Variants in TLL1 observed in about 807,000 individuals in gnomAD.
TLL1 encodes the protein tolloid-like protein 1.
A neutral mutation model predicts 128.2 loss-of-function variants in TLL1; 49 were observed. That is an observed-to-expected ratio of 0.38 (90% CI 0.30 to 0.48). TLL1 has a LOEUF of 0.48. Among genes scored for constraint, TLL1 ranks in the 20% least tolerant of loss-of-function variants. TLL1 has a pLI of 0.96. For synonymous variants in TLL1, 454 were observed against 418.8 expected, an observed-to-expected ratio of 1.08 and a Z score of -1.03; for missense variants, 1,123 against 1,242.0, an observed-to-expected ratio of 0.90 and a Z score of 1.44.
intron 1 of TLL1, among the ~76,000 whole-genome samples, chr4:165,951,143 C>T (rs538408148): frequency 2.0e-5 from 3 of 152,064 alleles, no homozygotes; most frequent in Non-Finnish European, 4.4e-5. Context: ...ATTTGAAAGA[C>T]TAGATGAAAT....
At chr4:165,954,791 A>G (rs532752145) in intron 1 of TLL1, among the ~76,000 whole-genome samples, 10 of 152,254 alleles carry the variant, frequency 6.6e-5, no homozygotes, top group Non-Finnish European at 1.5e-4. Flanking sequence ...GAATATAGAA[A>G]CAAAAAACCC....
chr4:166,012,241 T>C (rs1241149902), intron 7 of TLL1, among the ~76,000 whole-genome samples: 3 of 151,596 alleles, frequency 2.0e-5, no homozygotes, highest in Non-Finnish European at 4.4e-5. Flanking sequence ...TGCCTATTGA[T>C]AGTGGCTCAC....
intron 1 of TLL1, among the ~76,000 whole-genome samples, chr4:165,966,114 G>T (rs577466248): frequency 4.0e-4 from 60 of 151,284 alleles, no homozygotes; most frequent in African/African-American, 1.4e-3. Flanking sequence ...GGAGGTGGAG[G>T]TTGCAGTGAG....
At chr4:165,994,211 C>G (rs1264081054) in intron 3 of TLL1, among the ~76,000 whole-genome samples, 170 bp from the exon 4 acceptor site, 1 of 152,060 alleles carries the variant, frequency 6.6e-6, no homozygotes, top group African/African-American at 2.4e-5. Context: ...TATTTTAATG[C>G]TTTTGTTCAA....
intron 1 of TLL1, among the ~76,000 whole-genome samples, chr4:165,909,777 C>T (rs1431829503): frequency 6.6e-6 from 1 of 152,040 alleles, no homozygotes. Flanking sequence ...GGGATTAAGC[C>T]GTTACTTAGT....
intron 1 of TLL1, among the ~76,000 whole-genome samples, chr4:165,964,787 A>AT (rs1249683667): frequency 1.3e-5 from 2 of 152,006 alleles, no homozygotes; most frequent in Admixed American, 1.3e-4. Context: ...ACCAACAACA[A>AT]TTAGCTGGGC....
At chr4:165,878,962 C>G (rs1730853991) in intron 1 of TLL1, among the ~76,000 whole-genome samples, 1 of 124,572 alleles carries the variant, frequency 8.0e-6, no homozygotes, top group Non-Finnish European at 1.6e-5. Context: ...GAGACAGGAC[C>G]TCACTCTGTC....
intron 1 of TLL1, among the ~76,000 whole-genome samples, chr4:165,958,559 T>C (rs1271967075): frequency 2.7e-5 from 4 of 150,382 alleles, no homozygotes; most frequent in Non-Finnish European, 5.9e-5. Context: ...GATGGGGTTG[T>C]TTGTTTTTTT....
At chr4:166,048,444 C>T (rs1263088640) in intron 12 of TLL1, among the ~76,000 whole-genome samples, 1 of 152,034 alleles carries the variant, frequency 6.6e-6, no homozygotes, top group East Asian at 1.9e-4. Context: ...CTGGAATGGA[C>T]TAATACAGGA....
intron 11 of TLL1, 135 bp downstream of exon 11, chr4:166,042,278 A>G (rs556135610): frequency 6.4e-5 from 41 of 643,712 alleles, no homozygotes; most frequent in South Asian, 5.8e-4. Flanking sequence ...TATAATATTC[A>G]TACAGATAAT....
At position 165,903,292 on chromosome 4, in the gene TLL1, C is replaced by A. The variant is rs377133918; in HGVS notation, c.169+29219C>A. Among the ~76,000 whole-genome samples, 3 of 151,930 alleles carry A rather than the reference C, an allele frequency of 2.0e-5. No individual in the cohort carries two copies. The East Asian group carries it at 5.9e-4, about 30-fold the overall frequency. ...GGTGGAGGTTGCAGTGAGCCGAGAT[C>A]GTGCCATTGCACTCCTGCCTGGACA... On this transcript the variant is annotated intron_variant, in intron 1 of 20. Transcript: ENST00000061240.
rs759181265 is a variant in TLL1 at position 166,099,439 on chromosome 4, A to T, written c.2819A>T (p.Glu940Val). 1 of 1,613,532 alleles carries T rather than the reference A, an allele frequency of 6.2e-7. No homozygotes were observed. Among genetic ancestry groups the T allele is most frequent in the Non-Finnish European group, 8.5e-7 (1 of 1,179,664 alleles). Reference sequence around the variant, plus strand: ...TCCTTCCAGACATTTGAAGTGGAGGAAGAAGCAGACTGTGGCTATGACTAT... The same window carrying T: ...TCCTTCCAGACATTTGAAGTGGAGGTAGAAGCAGACTGTGGCTATGACTAT... ...ELSFQTFEVE[E>V]EADCGYDYVE... The change falls in exon 20 of 21, where the codon GAA (glutamate) becomes GTA (valine). Residue 940 changes from glutamate (E) to valine (V), a missense_variant. Physicochemically the swap from Glu to Val is moderately radical, Grantham distance 121. This residue lies in a region of TLL1 where 634 missense variants were observed against 672.4 expected (regional missense o/e 0.94). Transcript: ENST00000061240.
intron 18 of TLL1, 23 bp downstream of exon 18, chr4:166,078,053 T>C (rs189088144): frequency 9.3e-6 from 15 of 1,612,640 alleles, no homozygotes; most frequent in East Asian, 2.2e-5. Flanking sequence ...ATCCTTTTTC[T>C]TTCCATTAAG....
In TLL1 at chr4:166,078,289, C is replaced by T. The variant is rs147793328; in HGVS notation, c.2442+259C>T. Among the ~76,000 whole-genome samples, 248 of 152,186 alleles carry T rather than the reference C, an allele frequency of 1.6e-3. 3 individuals are homozygous for T. The highest frequency in any genetic ancestry group is 5.3e-3 in the African/African-American group (222 of 41,506). On this transcript the variant is annotated intron_variant, in intron 18 of 20. Transcript: ENST00000061240. ...ACCAAAGTTGCTGCAAAACAGTAGTCTTTACTTCCTAATGTATTACTGGTA... is the reference window on the plus strand; with the variant it reads ...ACCAAAGTTGCTGCAAAACAGTAGTTTTTACTTCCTAATGTATTACTGGTA...
intron 8 of TLL1, among the ~76,000 whole-genome samples, chr4:166,020,480 A>G (rs983268125): frequency 3.3e-5 from 5 of 152,168 alleles, no homozygotes; most frequent in Admixed American, 6.5e-5. Context: ...TACGAGTTGT[A>G]ACGTATTTTC....
intron 12 of TLL1, among the ~76,000 whole-genome samples, chr4:166,045,425 A>C (rs183315685): frequency 6.6e-6 from 1 of 152,128 alleles, no homozygotes; most frequent in African/African-American, 2.4e-5. Context: ...CCAATCTATC[A>C]GCATATATCA....
intron 1 of TLL1, among the ~76,000 whole-genome samples, chr4:165,920,291 C>T (rs891859795): frequency 6.6e-6 from 1 of 152,114 alleles, no homozygotes; most frequent in Non-Finnish European, 1.5e-5. Flanking sequence ...CTTTATTTGT[C>T]AGGCAGAAAT....
chr4:165,994,542 C>T lies in TLL1; in HGVS notation c.514+9C>T. 3 of 1,613,674 alleles carry T rather than the reference C, an allele frequency of 1.9e-6. No homozygotes were observed. Among genetic ancestry groups the T allele is most frequent in the Non-Finnish European group, 2.5e-6 (3 of 1,179,680 alleles). On this transcript the variant is annotated intron_variant, in intron 4 of 20. Coordinates refer to ENST00000061240, the MANE Select transcript of TLL1 (RefSeq NM_012464.5). ...AGGAGGAAACTTCACTGGTAAGATA[C>T]TCCCAGCATGTCTGTTTTCATAAAG...
At chr4:166,061,831 T>C (rs993297596) in intron 15 of TLL1, among the ~76,000 whole-genome samples, 4 of 152,176 alleles carry the variant, frequency 2.6e-5, no homozygotes, top group African/African-American at 7.2e-5. Flanking sequence ...GGTTTTCTTC[T>C]AGGGTTTTTG....
Sources: allele counts gnomAD v4.1 joint callset (sites outside exome capture counted in the v4.1 genomes callset), GRCh38; gene constraint gnomAD v4.1.1; regional missense constraint gnomAD v4.1.1; transcripts MANE v1.5; gene names NCBI Gene and HGNC (gene_info 2026-07-23, HGNC 2026-07-21).